MAMDC4: variants seen among roughly 807,000 people sequenced by gnomAD.
MAMDC4 encodes apical endosomal glycoprotein.
Under a neutral mutation model 153.3 loss-of-function variants are expected in MAMDC4, and 168 were observed. The ratio of observed to expected loss-of-function variants is 1.10; its 90% CI spans 0.97 to 1.25. MAMDC4 has a LOEUF of 1.25. MAMDC4 is among the 50% of genes most tolerant of loss of function. The pLI is 0.00. For missense variants in MAMDC4, 1,701 were observed against 1,542.8 expected, an observed-to-expected ratio of 1.10 and a Z score of -1.72; for synonymous variants, 744 against 651.5, an observed-to-expected ratio of 1.14 and a Z score of -2.16.
At position 136,857,152 on chromosome 9, in the gene MAMDC4, C is replaced by A. The variant is rs1435433153; in HGVS notation, c.1973-13C>A. 45 of 1,612,002 alleles carry A rather than the reference C, an allele frequency of 2.8e-5. No homozygotes were observed. The highest frequency in any genetic ancestry group is 3.8e-5 in the Non-Finnish European group (45 of 1,179,652). The stretch of plus-strand genomic sequence containing the variant: ...GGAGAGAGGTCAGTTATGGACTGGT[C>A]CCCTCCCTGCAGGGACTCTGCGCCT... On this transcript the variant is annotated splice_polypyrimidine_tract_variant and intron_variant, in intron 16 of 26. Transcript: ENST00000317446.
rs201140556 is a variant in MAMDC4, at chr9:136,859,103, G to A, written c.3055G>A (p.Val1019Met). Residue 1019 changes from valine (V) to methionine (M), a missense_variant, in exon 24 of 27, where the codon GTG (valine) becomes ATG (methionine). Physicochemically the swap from Val to Met is conservative, Grantham distance 21. Transcript: ENST00000317446. ...HRRHQWLEAQVEVASAKEFQI... is the reference protein window; with the variant it reads ...HRRHQWLEAQMEVASAKEFQI... The stretch of plus-strand genomic sequence containing the variant: ...GCGGCACCAGTGGCTGGAGGCCCAG[G>A]TGGAGGTAGCCAGTGCCAAGGAGTT... 1,896 of 1,552,872 alleles carry A rather than the reference G, an allele frequency of 1.2e-3. 21 individuals are homozygous for A. In the African/African-American group the frequency reaches 0.022, roughly 18 times the overall value.
rs142114032 is a variant in MAMDC4 at position 136,854,616 on chromosome 9, G to C, written c.874G>C (p.Ala292Pro). 3.7e-5 allele frequency: 59 copies of C among 1,607,646 alleles called. No individual in the cohort carries two copies. The African/African-American group carries it at 6.9e-4, about 19-fold the overall frequency. ...GGAAGGCTGGTCCCGGAACCACCGC[G>C]CTGGTGGTCCTGAGCGCCCCTCCTG... is the stretch of plus-strand genomic sequence containing the variant. ...RSEGWSRNHR[A>P]GGPERPSWPR... is the part of the protein sequence containing the mutation. The change falls in exon 8 of 27, where the codon GCT becomes CCT. Residue 292 changes from alanine (A) to proline (P), a missense_variant. Coordinates refer to ENST00000317446, the MANE Select transcript of MAMDC4 (RefSeq NM_206920.3).
rs983175754 is a variant in MAMDC4, at chr9:136,859,224, A to G, written c.3100A>G (p.Thr1034Ala). 2.7e-5 allele frequency: 44 copies of G among 1,611,072 alleles called. No homozygotes were observed. The highest frequency in any genetic ancestry group is 3.6e-5 in the Non-Finnish European group (43 of 1,178,976). The stretch of plus-strand genomic sequence containing the variant: ...TCTCCATCAGATCGTGTTTGAAGCC[A>G]CTCTGGGCGGCCAGCCAGCCCTGGG... ...AKEFQIVFEA[T>A]LGGQPALGPI... Residue 1034 changes from threonine to alanine, a missense_variant, in exon 25 of 27, where the codon ACT (threonine) becomes GCT (alanine). Transcript: ENST00000317446.
Position 136,856,067 on chromosome 9 carries a change from C to T in MAMDC4, c.1638C>T (p.Ala546=). ...QRAWGQLGAE[A]RVLTPLLGPS... Reference sequence around the variant, plus strand: ...CCTGGGGGCAGCTAGGCGCTGAGGCCCGGGTCCTCACACCCCTCCTTGGCC... The same window carrying T: ...CCTGGGGGCAGCTAGGCGCTGAGGCTCGGGTCCTCACACCCCTCCTTGGCC... Residue 546 remains alanine, a synonymous_variant, in exon 14 of 27, where the codon GCC becomes GCT. Coordinates refer to ENST00000317446, the MANE Select transcript of MAMDC4 (RefSeq NM_206920.3). The T allele has an allele frequency of 5.6e-6, 9 of 1,612,508 alleles. No individual in the cohort carries two copies. The highest frequency in any genetic ancestry group is 7.6e-6 in the Non-Finnish European group (9 of 1,179,890).
Position 136,856,709 on chromosome 9 carries a change from G to A in MAMDC4, c.1721-1G>A. On this transcript the variant is annotated splice_acceptor_variant, in intron 14 of 26. Transcript: ENST00000317446. LOFTEE classifies it high-confidence loss of function. ...GTGACGCCACCTGGCCCCACCCCCA[G>A]AGGTCTCCTGTAACTTTGAGCGGGA... The A allele has an allele frequency of 1.9e-6, 3 of 1,612,586 alleles. No homozygotes were observed. Among genetic ancestry groups the A allele is most frequent in the Non-Finnish European group, 2.5e-6 (3 of 1,179,840 alleles).
In MAMDC4 at chr9:136,854,813, GC is replaced by G. The variant is rs1281277079; in HGVS notation, c.990del (p.Glu331AsnfsTer18). The G allele has an allele frequency of 2.5e-6, 4 of 1,612,834 alleles. No homozygotes were observed. In the South Asian group the frequency reaches 4.4e-5, roughly 18 times the overall value. ...CCTGGCACCCCTGCTATACTCTCCAGCCCCGAATTCCAAGCCTCAGGCACCT... is the reference window on the plus strand; with the variant it reads ...CCTGGCACCCCTGCTATACTCTCCAGCCCGAATTCCAAGCCTCAGGCACCT... ...AEPGTPAILS[S>X]PEFQASGTSN... On this transcript the variant is annotated frameshift_variant, in exon 9 of 27. Transcript: ENST00000317446. LOFTEE classifies it high-confidence loss of function.
In MAMDC4 at chr9:136,857,033, C is replaced by A; in HGVS notation, c.1964C>A (p.Pro655His). 6.2e-7 allele frequency: 1 copy of A among 1,611,078 alleles called. No homozygotes were observed. Among genetic ancestry groups the A allele is most frequent in the Non-Finnish European group, 8.5e-7 (1 of 1,178,854 alleles). The change falls in exon 16 of 27, where the codon CCC becomes CAC. Residue 655 changes from proline (P) to histidine (H), a missense_variant. By Grantham distance (77) the Pro-to-His change is moderately conservative. Coordinates refer to ENST00000317446, the MANE Select transcript of MAMDC4 (RefSeq NM_206920.3). ...CLSFWYHLHG[P>H]QIGTLRLAMR... Reference sequence around the variant, plus strand: ...AGCTTCTGGTACCACCTCCATGGGCCCCAGATTGGTGAGTGGACCTGGAAA... The same window carrying A: ...AGCTTCTGGTACCACCTCCATGGGCACCAGATTGGTGAGTGGACCTGGAAA...
chr9:136,859,906 TC>T lies in MAMDC4; in HGVS notation c.3215del (p.Ser1072LeufsTer78). The T allele has an allele frequency of 6.2e-7, 1 of 1,612,152 alleles. No individual in the cohort carries two copies. The highest frequency in any genetic ancestry group is 8.5e-7 in the Non-Finnish European group (1 of 1,179,936). On this transcript the variant is annotated frameshift_variant, in exon 26 of 27. Transcript: ENST00000317446. LOFTEE classifies it high-confidence loss of function. ...CACAGGGAACACAGCCGCACCCGGG[TC>T]TGTGCCAGCTGTGGTTGGCAGTGCC... ...PSPGNTAAPG[S>X]VPAVVGSALL... is the part of the protein sequence containing the mutation.
At chr9:136,859,344 C>T (rs190414585) in intron 25 of MAMDC4, 27 bp downstream of exon 25, 109 of 1,583,936 alleles carry the variant, frequency 6.9e-5, no homozygotes, top group Admixed American at 1.1e-4. Context: ...AGTGGAGGCA[C>T]GGAGGAGGGC....
rs1353249169 is a variant in MAMDC4, at chr9:136,858,458, G to A, written c.2733G>A (p.Leu911=). 1 of 1,608,258 alleles carries A rather than the reference G, an allele frequency of 6.2e-7. No homozygotes were observed. The change falls in exon 22 of 27, where the codon CTG becomes CTA. Residue 911 remains leucine, a synonymous_variant. Transcript: ENST00000317446. The stretch of plus-strand genomic sequence containing the variant: ...GGAGCCACCTGGCCTGGCCCGGCCT[G>A]GGCGGATACAGCTGGGACTGGGGCG... The part of the protein sequence containing the change: ...CGWSHLAWPG[L]GGYSWDWGGG...
Position 136,858,237 on chromosome 9 carries a change from G to A in MAMDC4, c.2635G>A (p.Asp879Asn). The change falls in exon 21 of 27, where the codon GAT (aspartate) becomes AAT (asparagine). Residue 879 changes from aspartate to asparagine, a missense_variant. Asp to Asn is a conservative substitution (Grantham distance 23). Coordinates refer to ENST00000317446, the MANE Select transcript of MAMDC4 (RefSeq NM_206920.3). ...CGTGGCACACTCCTACGTGGCTCTG[G>A]ATGATCTGCTCCTCCAGGACGGGCC... ...AGVAHSYVAL[D>N]DLLLQDGPCP... 2 of 1,601,892 alleles carry A rather than the reference G, an allele frequency of 1.2e-6. No individual in the cohort carries two copies. Among genetic ancestry groups the A allele is most frequent in the Non-Finnish European group, 1.7e-6 (2 of 1,178,500 alleles).
At chr9:136,854,119 C>T (rs1185914611) in intron 6 of MAMDC4, 43 bp downstream of exon 6, 2 of 1,609,162 alleles carry the variant, frequency 1.2e-6, no homozygotes, top group Non-Finnish European at 8.5e-7. Flanking sequence ...GGAGGGCCCC[C>T]ACCTGCCCAC....
At chr9:136,859,460 G>C (rs1445897661) in intron 25 of MAMDC4, 143 bp downstream of exon 25, 1 of 765,726 alleles carries the variant, frequency 1.3e-6, no homozygotes, top group Non-Finnish European at 2.0e-6. Flanking sequence ...CCAGGCCCAG[G>C]CCCTGTGCCC....
At chr9:136,860,471 A>G (rs1849072586) in intron 26 of MAMDC4, 91 bp from the exon 27 acceptor site, 2 of 1,383,960 alleles carry the variant, frequency 1.4e-6, no homozygotes, top group Admixed American at 2.0e-5. Context: ...CAGTGAGCGA[A>G]GATCGTGCCA....
intron 14 of MAMDC4, 56 bp from the exon 15 acceptor site, chr9:136,856,653 CA>C (rs1849008956): frequency 1.3e-6 from 2 of 1,559,788 alleles, no homozygotes; most frequent in Non-Finnish European, 1.8e-6. Context: ...TCCACCTTCT[CA>C]GGGCTCTGGA....
chr9:136,856,281 A>T (rs756198767), intron 14 of MAMDC4, 132 bp downstream of exon 14: 1 of 1,427,030 alleles, frequency 7.0e-7, no homozygotes, highest in Non-Finnish European at 9.9e-7. Context: ...GTTGTGGTGG[A>T]CAACGGCTCC....
At position 136,858,217 on chromosome 9, in the gene MAMDC4, C is replaced by T; in HGVS notation, c.2615C>T (p.Ala872Val). 4 of 1,598,810 alleles carry T rather than the reference C, an allele frequency of 2.5e-6. No individual in the cohort carries two copies. Among genetic ancestry groups the T allele is most frequent in the Non-Finnish European group, 3.4e-6 (4 of 1,177,080 alleles). The change falls in exon 21 of 27, where the codon GCA becomes GTA. Residue 872 changes from alanine (A) to valine (V), a missense_variant. Physicochemically the swap from Ala to Val is moderately conservative, Grantham distance 64. Transcript: ENST00000317446. ...TTTGAGGCAGTGGCCGCAGGCGTGG[C>T]ACACTCCTACGTGGCTCTGGATGAT... ...VVFEAVAAGV[A>V]HSYVALDDLL...
Position 136,857,247 on chromosome 9 carries a change from C to T in MAMDC4, c.2055C>T (p.His685=), listed in dbSNP as rs200684658. The T allele has an allele frequency of 1.8e-4, 294 of 1,605,758 alleles. No homozygotes were observed. Among genetic ancestry groups the T allele is most frequent in the Non-Finnish European group, 2.2e-4 (254 of 1,176,742 alleles). Residue 685 remains histidine (H), a synonymous_variant, in exon 17 of 27, where the codon CAC becomes CAT. Transcript: ENST00000317446. Reference sequence around the variant, plus strand: ...CAGGCACCCAGGGCAACCGCTGGCACGAGGCCTGGGCCACCCTTTCCCACC... The same window carrying T: ...CAGGCACCCAGGGCAACCGCTGGCATGAGGCCTGGGCCACCCTTTCCCACC... ...SRSGTQGNRW[H]EAWATLSHQP... is the part of the protein sequence containing the mutation.
chr9:136,853,919 G>A lies in MAMDC4; in HGVS notation c.585+12G>A, dbSNP rs746869480. Reference sequence around the variant, plus strand: ...GGGGTGACTTCCGAGTGAGCTGGGAGGGTCTGGACGAGTGGGGGCCTTGAG... The same window carrying A: ...GGGGTGACTTCCGAGTGAGCTGGGAAGGTCTGGACGAGTGGGGGCCTTGAG... On this transcript the variant is annotated intron_variant, in intron 5 of 26. Transcript: ENST00000317446. 2 of 1,612,734 alleles carry A rather than the reference G, an allele frequency of 1.2e-6. No individual in the cohort carries two copies. The highest frequency in any genetic ancestry group is 1.7e-6 in the Non-Finnish European group (2 of 1,179,848).
Sources: allele counts gnomAD v4.1 joint callset, GRCh38; gene constraint gnomAD v4.1.1; transcripts MANE v1.5; gene names NCBI Gene and HGNC (gene_info 2026-07-23, HGNC 2026-07-21).